The following SEPTIN10 variants were observed in gnomAD, a reference collection of about 807,000 sequenced individuals.
The protein encoded by SEPTIN10 is septin-10.
A neutral mutation model predicts 54.8 loss-of-function variants in SEPTIN10; 66 were observed. The observed-to-expected ratio is 1.21, with a 90% CI of 0.99 to 1.48. SEPTIN10 has a LOEUF of 1.48. Among genes scored for constraint, SEPTIN10 ranks in the 40% most tolerant of loss-of-function variants. The pLI, the probability that SEPTIN10 is intolerant of heterozygous loss-of-function variation, is 0.00. For synonymous variants in SEPTIN10, 161 were observed against 181.0 expected (o/e 0.89, Z 0.89); for missense variants, 620 against 545.6 (o/e 1.14, Z -1.36).
At chr2:109,607,654 T>C (rs1698304813) in intron 1 of SEPTIN10, among the ~76,000 whole-genome samples, 1 of 152,182 alleles carries the variant, frequency 6.6e-6, no homozygotes, top group Admixed American at 6.5e-5. Flanking sequence ...AAATGTAATT[T>C]TTCTCCTGAG....
chr2:109,574,443 TAAAAAAA>T (rs55980206), intron 5 of SEPTIN10, 131 bp downstream of exon 5: 6 of 269,322 alleles, frequency 2.2e-5, no homozygotes, highest in Admixed American at 1.7e-4. Context: ...ACTTTATCTC[TAAAAAAA>T]AAAAAAAAAA....
chr2:109,589,412 G>C (rs1056098591), intron 2 of SEPTIN10, among the ~76,000 whole-genome samples: 2 of 152,030 alleles, frequency 1.3e-5, no homozygotes, highest in Non-Finnish European at 2.9e-5. Context: ...CATGCCTGTA[G>C]TCCCAGCTAC....
At chr2:109,607,507 G>A (rs890742057) in intron 1 of SEPTIN10, among the ~76,000 whole-genome samples, 2 of 152,054 alleles carry the variant, frequency 1.3e-5, no homozygotes, top group African/African-American at 4.8e-5. Context: ...TAAACAAATG[G>A]TCTGTGGCCC....
chr2:109,609,957 G>A lies in SEPTIN10; in HGVS notation c.30+3841C>T, dbSNP rs538921800. 6.6e-5 allele frequency among the ~76,000 whole-genome samples: 10 copies of A among 152,234 alleles called. No homozygotes were observed. In the South Asian group the frequency reaches 1.7e-3, roughly 25 times the overall value. On this transcript the variant is annotated intron_variant, in intron 1 of 10. Coordinates refer to ENST00000397712, the MANE Select transcript of SEPTIN10 (RefSeq NM_144710.5). ...TCAACAATAACTAATTATACAGCCA[G>A]GATCTCCTGAATCATAAAATGATGC...
chr2:109,568,847 G>A (rs1432211777), intron 5 of SEPTIN10, among the ~76,000 whole-genome samples: 1 of 152,132 alleles, frequency 6.6e-6, no homozygotes, highest in Non-Finnish European at 1.5e-5. Flanking sequence ...GCAGAGGAAG[G>A]AAACTGTATG....
At chr2:109,604,383 A>AAGGGG (rs367851868) in intron 1 of SEPTIN10, among the ~76,000 whole-genome samples, 12 of 64,430 alleles carry the variant, frequency 1.9e-4, no homozygotes, top group East Asian at 5.8e-4. Context: ...AAGGGAAGGG[A>AAGGGG]AGGGGAGGGG....
In SEPTIN10 at chr2:109,613,807, C is replaced by CG; in HGVS notation, c.20dup (p.Arg8AlafsTer23). 8.1e-7 allele frequency: 1 copy of CG among 1,233,186 alleles called. No homozygotes were observed. Among genetic ancestry groups the CG allele is most frequent in the Non-Finnish European group, 1.0e-6 (1 of 988,928 alleles). The allele number at this position is 1,233,186 out of a possible 1,614,324, so 76.4% of individuals were successfully genotyped here. Reference sequence around the variant, plus strand: ...CGTCGGCGGGACTCACCAGGTGCCGCGCCACCTCGGAGGAGGCCATGGTCG... The same window carrying CG: ...CGTCGGCGGGACTCACCAGGTGCCGCGGCCACCTCGGAGGAGGCCATGGTCG... On this transcript the variant is annotated frameshift_variant, in exon 1 of 11. Coordinates refer to ENST00000397712, the MANE Select transcript of SEPTIN10 (RefSeq NM_144710.5). LOFTEE classifies it high-confidence loss of function.
At chr2:109,573,653 T>A (rs1246582226) in intron 5 of SEPTIN10, among the ~76,000 whole-genome samples, 1 of 152,204 alleles carries the variant, frequency 6.6e-6, no homozygotes, top group Non-Finnish European at 1.5e-5. Context: ...TAATTCAACT[T>A]ATACAGTTAG....
chr2:109,585,980 T>C, intron 2 of SEPTIN10, 142 bp from the exon 3 acceptor site: 3 of 614,602 alleles, frequency 4.9e-6, no homozygotes, highest in East Asian at 5.6e-5. Context: ...ATACAAGCGA[T>C]TAAGTAAATT....
chr2:109,586,998 G>A (rs535998164), intron 2 of SEPTIN10, among the ~76,000 whole-genome samples: 46 of 152,006 alleles, frequency 3.0e-4, no homozygotes, highest in African/African-American at 1.1e-3. Flanking sequence ...ATTATGACAG[G>A]AAAAAAACAG....
At chr2:109,559,237 C>G (rs900196187) in intron 8 of SEPTIN10, among the ~76,000 whole-genome samples, 3 of 152,138 alleles carry the variant, frequency 2.0e-5, no homozygotes. Context: ...ATACATCAGA[C>G]TATAATGAGC....
At chr2:109,592,644 G>A (rs1236208721) in intron 2 of SEPTIN10, among the ~76,000 whole-genome samples, 3 of 151,152 alleles carry the variant, frequency 2.0e-5, no homozygotes, top group Admixed American at 2.0e-4. Flanking sequence ...GCCGGACGTG[G>A]TGGTGGTCAC....
intron 10 of SEPTIN10, chr2:109,545,661 A>G: frequency 6.7e-7 from 1 of 1,487,832 alleles, no homozygotes; most frequent in Non-Finnish European, 8.9e-7. Flanking sequence ...AACAAAGGGC[A>G]CAGCTTTATT....
chr2:109,552,976 A>G, intron 9 of SEPTIN10, 111 bp downstream of exon 9: 1 of 1,216,286 alleles, frequency 8.2e-7, no homozygotes, highest in South Asian at 1.5e-5. Flanking sequence ...GCTACTCTTT[A>G]AAGAACAAGT....
chr2:109,609,453 C>A (rs1442245479), intron 1 of SEPTIN10, among the ~76,000 whole-genome samples: 1 of 151,848 alleles, frequency 6.6e-6, no homozygotes, highest in African/African-American at 2.4e-5. Flanking sequence ...GGAGGTACTG[C>A]AAGGTAGCAT....
intron 7 of SEPTIN10, 151 bp from the exon 8 acceptor site, chr2:109,564,685 T>C (rs1686544959): frequency 3.1e-6 from 2 of 645,146 alleles, no homozygotes; most frequent in Admixed American, 3.7e-5. Flanking sequence ...ATTTTATACA[T>C]GTAACCAAGG....
rs749524614 is a variant in SEPTIN10 at position 109,564,388 on chromosome 2, C to T, written c.1006G>A (p.Gly336Ser). The T allele has an allele frequency of 1.9e-5, 30 of 1,575,876 alleles. No individual in the cohort carries two copies. Among genetic ancestry groups the T allele is most frequent in the African/African-American group, 1.5e-4 (11 of 74,142 alleles). ...TACCTGACTGGCTTGTTTTCTGGGC[C>T]CACATCTGTAAAGCCCATTTCCTCC... ...KLEEMGFTDV[G>S]PENKPVSVQE... The change falls in exon 8 of 11, where the codon GGC (glycine) becomes AGC (serine). Residue 336 changes from glycine to serine, a missense_variant. By Grantham distance (56) the Gly-to-Ser change is moderately conservative. Coordinates refer to ENST00000397712, the MANE Select transcript of SEPTIN10 (RefSeq NM_144710.5).
At chr2:109,582,310 G>A (rs1442859916) in intron 4 of SEPTIN10, among the ~76,000 whole-genome samples, 1 of 151,948 alleles carries the variant, frequency 6.6e-6, no homozygotes, top group African/African-American at 2.4e-5. Context: ...CAGACTCAAC[G>A]CTATTGCTGT....
At chr2:109,593,002 T>G (rs367683831) in intron 2 of SEPTIN10, 49 bp downstream of exon 2, 2 of 1,277,292 alleles carry the variant, frequency 1.6e-6, no homozygotes, top group East Asian at 5.1e-5. Flanking sequence ...TTTAAAATCA[T>G]AGAAGCATTT....
Sources: allele counts gnomAD v4.1 joint callset (sites outside exome capture counted in the v4.1 genomes callset), GRCh38; gene constraint gnomAD v4.1.1; transcripts MANE v1.5; gene names NCBI Gene and HGNC (gene_info 2026-07-23, HGNC 2026-07-21).